NPAS3: variants seen among roughly 807,000 people sequenced by gnomAD.
NPAS3 encodes neuronal PAS domain protein 3, also known as neuronal PAS domain-containing protein 3.
A neutral mutation model predicts 73.1 loss-of-function variants in NPAS3; 14 were observed. The observed-to-expected ratio is 0.19, with a 90% CI of 0.13 to 0.30. The LOEUF is 0.30. Among genes scored for constraint, NPAS3 ranks in the 10% least tolerant of loss-of-function variants. NPAS3 has a pLI of 1.00. For missense variants in NPAS3, 1,096 were observed against 1,250.0 expected, an observed-to-expected ratio of 0.88 and a Z score of 1.86; for synonymous variants, 620 against 541.5, an observed-to-expected ratio of 1.14 and a Z score of -2.01.
intron 2 of NPAS3, among the ~76,000 whole-genome samples, chr14:33,091,708 T>C (rs1366614085): frequency 6.6e-6 from 1 of 152,148 alleles, no homozygotes; most frequent in Non-Finnish European, 1.5e-5. Flanking sequence ...TGAACGTCGA[T>C]GCAAAAATCC....
In NPAS3 at chr14:33,576,726, C is replaced by T. The variant is rs558418668; in HGVS notation, c.558+16516C>T. Among the ~76,000 whole-genome samples, 27 of 152,260 alleles carry T rather than the reference C, an allele frequency of 1.8e-4. 2 individuals carry two copies. The highest frequency in any genetic ancestry group is 1.6e-3 in the Admixed American group (25 of 15,300). ...ATCAGAAAGGGCCACTTTAAAAATGCCCTCTTCTGATACGAATCGAGAATA... is the reference window on the plus strand; with the variant it reads ...ATCAGAAAGGGCCACTTTAAAAATGTCCTCTTCTGATACGAATCGAGAATA... On this transcript the variant is annotated intron_variant, in intron 5 of 11. Coordinates refer to ENST00000356141, the Ensembl canonical transcript of NPAS3.
chr14:32,983,842 C>T (rs2037994664), intron 1 of NPAS3, among the ~76,000 whole-genome samples: 2 of 152,130 alleles, frequency 1.3e-5, no homozygotes, highest in Admixed American at 1.3e-4. Context: ...CTGCCTCAAC[C>T]TCCTGAGTAG....
chr14:33,033,921 A>G (rs907125231), intron 1 of NPAS3, among the ~76,000 whole-genome samples: 2 of 152,254 alleles, frequency 1.3e-5, no homozygotes, highest in African/African-American at 4.8e-5. Flanking sequence ...ATACACAACT[A>G]CATTTATTTA....
chr14:32,965,527 C>T (rs1164163355), intron 1 of NPAS3, among the ~76,000 whole-genome samples: 1 of 152,000 alleles, frequency 6.6e-6, no homozygotes, highest in Non-Finnish European at 1.5e-5. Context: ...TATAAAAACC[C>T]TAAACAAATC....
At chr14:33,166,451 C>T (rs2045153222) in intron 2 of NPAS3, among the ~76,000 whole-genome samples, 1 of 152,084 alleles carries the variant, frequency 6.6e-6, no homozygotes, top group Non-Finnish European at 1.5e-5. Flanking sequence ...TCACATCTGT[C>T]TTGCATGCAC....
intron 5 of NPAS3, among the ~76,000 whole-genome samples, chr14:33,580,823 A>G (rs2056637508): frequency 6.9e-6 from 1 of 144,972 alleles, no homozygotes; most frequent in Non-Finnish European, 1.5e-5. Context: ...AGGGTGGCTT[A>G]CTTCACTTTA....
intron 3 of NPAS3, among the ~76,000 whole-genome samples, chr14:33,330,212 C>T (rs934400147): frequency 2.6e-5 from 4 of 152,152 alleles, no homozygotes; most frequent in African/African-American, 7.2e-5. Flanking sequence ...CACTGCACTC[C>T]AGCCTGGGTG....
chr14:33,193,270 T>A (rs1469971475), intron 2 of NPAS3, among the ~76,000 whole-genome samples: 1 of 151,932 alleles, frequency 6.6e-6, no homozygotes, highest in Admixed American at 6.6e-5. Flanking sequence ...ATGCAATATA[T>A]GCCCAGGCTA....
chr14:33,070,646 A>G (rs1291600042), intron 2 of NPAS3, among the ~76,000 whole-genome samples: 1 of 152,226 alleles, frequency 6.6e-6, no homozygotes, highest in African/African-American at 2.4e-5. Context: ...TCATGATCAT[A>G]GCACATGGCG....
At chr14:33,720,320 G>T (rs1199201151) in intron 6 of NPAS3, among the ~76,000 whole-genome samples, 1 of 152,144 alleles carries the variant, frequency 6.6e-6, no homozygotes, top group African/African-American at 2.4e-5. Flanking sequence ...CCTTTTCAAG[G>T]ACAGAGGGGT....
In NPAS3 at chr14:33,459,725, T is replaced by C. The variant is rs149518888; in HGVS notation, c.468+92457T>C. On this transcript the variant is annotated intron_variant, in intron 4 of 11. Coordinates refer to ENST00000356141, the Ensembl canonical transcript of NPAS3. Reference sequence around the variant, plus strand: ...CCTCTCTTATAGCAGCATATCGTATTTTGAAGGCAAACATTGTACAAATCT... The same window carrying C: ...CCTCTCTTATAGCAGCATATCGTATCTTGAAGGCAAACATTGTACAAATCT... 1.4e-4 allele frequency among the ~76,000 whole-genome samples: 22 copies of C among 152,342 alleles called. No homozygotes were observed. The East Asian group carries it at 2.1e-3, about 15-fold the overall frequency.
intron 4 of NPAS3, among the ~76,000 whole-genome samples, chr14:33,426,233 A>G (rs2048549619): frequency 6.6e-6 from 1 of 152,130 alleles, no homozygotes; most frequent in Non-Finnish European, 1.5e-5. Flanking sequence ...AGAAGAAAGC[A>G]TGAAGAAAAA....
intron 3 of NPAS3, among the ~76,000 whole-genome samples, chr14:33,362,307 C>T (rs1056778657): frequency 3.3e-5 from 5 of 152,152 alleles, no homozygotes; most frequent in African/African-American, 1.2e-4. Context: ...AGAATAAAGA[C>T]ACAGCCTATA....
intron 2 of NPAS3, among the ~76,000 whole-genome samples, chr14:33,069,511 G>A (rs1462648343): frequency 6.6e-6 from 1 of 152,222 alleles, no homozygotes; most frequent in Non-Finnish European, 1.5e-5. Context: ...TGCAGGCTAT[G>A]ATGGAGACGG....
chr14:33,133,802 G>T (rs1373729105), intron 2 of NPAS3, among the ~76,000 whole-genome samples: 3 of 152,118 alleles, frequency 2.0e-5, no homozygotes, highest in Non-Finnish European at 1.5e-5. Context: ...GCTTCTTGGT[G>T]ACATGATATA....
intron 3 of NPAS3, among the ~76,000 whole-genome samples, chr14:33,273,560 C>T (rs1389261637): frequency 1.3e-5 from 2 of 152,082 alleles, no homozygotes; most frequent in South Asian, 2.1e-4. Flanking sequence ...TCTCATCTGG[C>T]CCTTCTAAGA....
intron 1 of NPAS3, among the ~76,000 whole-genome samples, chr14:33,038,320 G>C (rs1025366030): frequency 6.6e-6 from 1 of 152,082 alleles, no homozygotes; most frequent in African/African-American, 2.4e-5. Flanking sequence ...AGGTCTACCT[G>C]GATGCCTAGG....
At chr14:33,737,484 A>G (rs1193941587) in intron 7 of NPAS3, among the ~76,000 whole-genome samples, 1 of 152,112 alleles carries the variant, frequency 6.6e-6, no homozygotes, top group Non-Finnish European at 1.5e-5. Context: ...TACTCCCCTG[A>G]CATACCCTGT....
chr14:33,762,666 C>T (rs1165320498), intron 7 of NPAS3, among the ~76,000 whole-genome samples: 1 of 152,130 alleles, frequency 6.6e-6, no homozygotes, highest in Non-Finnish European at 1.5e-5. Context: ...TCGCTGCTGA[C>T]ACCACACCCT....
Sources: gnomAD v4.1 joint callset for allele counts (sites outside exome capture counted in the v4.1 genomes callset) on GRCh38, gnomAD v4.1.1 for gene constraint, MANE v1.5 for transcripts, NCBI Gene and HGNC (gene_info 2026-07-23, HGNC 2026-07-21) for gene names.